Variants in PLD1 observed in about 807,000 individuals in gnomAD.
The protein encoded by PLD1 is phospholipase D1, also known as choline phosphatase 1.
PLD1 carries 112 observed loss-of-function variants against 137.1 expected under a neutral mutation model. That is an observed-to-expected ratio of 0.82 (90% CI 0.70 to 0.96). The LOEUF (loss-of-function observed/expected upper bound fraction) is 0.96, where lower values mean the gene tolerates loss of function less well. Ranked by LOEUF, PLD1 falls within the 40% of genes least tolerant of loss-of-function variation. The pLI is 0.00. For synonymous variants in PLD1, 431 were observed against 454.7 expected (o/e 0.95, Z 0.66); for missense variants, 1,321 against 1,342.0 (o/e 0.98, Z 0.24).
chr3:171,625,196 A>T (rs1733987914), intron 23 of PLD1, among the ~76,000 whole-genome samples: 1 of 152,114 alleles, frequency 6.6e-6, no homozygotes, highest in African/African-American at 2.4e-5. Context: ...GCACCAGGAG[A>T]TTATATCCCG....
In PLD1 at chr3:171,664,714, C is replaced by T. The variant is rs183467599; in HGVS notation, c.2230-2544G>A. On this transcript the variant is annotated intron_variant, in intron 19 of 26. Transcript: ENST00000351298. Reference sequence around the variant, plus strand: ...CCTCAAGTGATCCACCTGTCTCAGCCTCCCAAAGTGCTGGGATTACAGGCG... The same window carrying T: ...CCTCAAGTGATCCACCTGTCTCAGCTTCCCAAAGTGCTGGGATTACAGGCG... Among the ~76,000 whole-genome samples, 20 of 152,260 alleles carry T rather than the reference C, an allele frequency of 1.3e-4. No individual in the cohort carries two copies. The East Asian group carries it at 3.9e-3, about 29-fold the overall frequency.
At chr3:171,690,938 C>G (rs1394135369) in intron 13 of PLD1, among the ~76,000 whole-genome samples, 2 of 152,168 alleles carry the variant, frequency 1.3e-5, no homozygotes, top group African/African-American at 4.8e-5. Context: ...AAGTCTCCAA[C>G]TATTATCATA....
At chr3:171,773,459 G>A (rs1188606666) in intron 1 of PLD1, among the ~76,000 whole-genome samples, 2 of 151,884 alleles carry the variant, frequency 1.3e-5, no homozygotes, top group East Asian at 2.0e-4. Context: ...AAAATTAGCC[G>A]GGCGTGGAGT....
At chr3:171,684,146 C>T (rs1033687137) in intron 16 of PLD1, among the ~76,000 whole-genome samples, 1 of 152,168 alleles carries the variant, frequency 6.6e-6, no homozygotes, top group East Asian at 1.9e-4. Context: ...CTGTGGATAT[C>T]ACCTCTGTCA....
rs369749222 is a variant in PLD1 at position 171,733,516 on chromosome 3, T to C, written c.541-7A>G. 2.6e-6 allele frequency: 3 copies of C among 1,143,740 alleles called. No individual in the cohort carries two copies. Among genetic ancestry groups the C allele is most frequent in the African/African-American group, 1.5e-5 (1 of 65,352 alleles). 70.8% of individuals were successfully genotyped at this position (1,143,740 alleles called of 1,614,324 possible). A position where few individuals can be genotyped will look rare whatever the true frequency, so the allele number is the denominator to read the frequency against. On this transcript the variant is annotated splice_region_variant and splice_polypyrimidine_tract_variant and intron_variant, in intron 5 of 26. Coordinates refer to ENST00000351298, the MANE Select transcript of PLD1 (RefSeq NM_002662.5). The stretch of plus-strand genomic sequence containing the variant: ...AGTAATCTTCCAGTTGTTTCTGTAA[T>C]GCAAATATTTTAGATAAGTGTTAAC...
Position 171,659,280 on chromosome 3 carries a change from C to T in PLD1, c.2362G>A (p.Ala788Thr). 6.2e-7 allele frequency: 1 copy of T among 1,612,750 alleles called. No individual in the cohort carries two copies. The highest frequency in any genetic ancestry group is 8.5e-7 in the Non-Finnish European group (1 of 1,178,714). Residue 788 changes from alanine to threonine, a missense_variant, in exon 21 of 27, where the codon GCT becomes ACT. Transcript: ENST00000351298. ...TTGTTGAACACAACTTTGTCATCAG[C>T]ACAGCTTATGAAAAACTGGTTCTAT... ...YIENQFFISCADDKVVFNKIG... is the reference protein window; with the variant it reads ...YIENQFFISCTDDKVVFNKIG...
In PLD1 at chr3:171,737,869, C is replaced by T. The variant is rs200672293; in HGVS notation, c.160+23G>A. The T allele has an allele frequency of 1.1e-5, 18 of 1,606,380 alleles. No homozygotes were observed. In the East Asian group the frequency reaches 4.0e-4, roughly 36 times the overall value. Reference sequence around the variant, plus strand: ...CAACCGAGATAAACTCTTTTCTTCCCCGCTCAGATCATCCGTCTTTACCTT... The same window carrying T: ...CAACCGAGATAAACTCTTTTCTTCCTCGCTCAGATCATCCGTCTTTACCTT... On this transcript the variant is annotated intron_variant, in intron 2 of 26. Coordinates refer to ENST00000351298, the MANE Select transcript of PLD1 (RefSeq NM_002662.5).
Position 171,699,779 on chromosome 3 carries a change from C to A in PLD1, c.1193G>T (p.Arg398Leu). The A allele has an allele frequency of 6.2e-7, 1 of 1,614,002 alleles. No individual in the cohort carries two copies. Among genetic ancestry groups the A allele is most frequent in the Admixed American group, 1.7e-5 (1 of 60,018 alleles). The change falls in exon 12 of 27, where the codon CGT becomes CTT. Residue 398 changes from arginine (R) to leucine (L), a missense_variant. Coordinates refer to ENST00000351298, the MANE Select transcript of PLD1 (RefSeq NM_002662.5). The part of the protein sequence containing the change: ...FLKRPVVEGN[R>L]WRLDCILKRK... ...TTTAAGAATGCAGTCCAACCTCCAA[C>A]GATTTCCCTCAACCACTGGGCGTTT...
At chr3:171,794,947 A>T (rs1723370477) in intron 1 of PLD1, among the ~76,000 whole-genome samples, 1 of 152,228 alleles carries the variant, frequency 6.6e-6, no homozygotes, top group Non-Finnish European at 1.5e-5. Flanking sequence ...TGTGTGCAAC[A>T]CATCTTTTGT....
chr3:171,792,944 C>T lies in PLD1; in HGVS notation c.-32+17455G>A, dbSNP rs1197681135. ...GAAGACTCCCCAAGGAAGTGGGGCT[C>T]TCAAAACACATGTGAGACAATGCCA... On this transcript the variant is annotated intron_variant, in intron 1 of 26. Coordinates refer to ENST00000351298, the MANE Select transcript of PLD1 (RefSeq NM_002662.5). The T allele has an allele frequency of 1.3e-5, 4 of 315,078 alleles. No homozygotes were observed. In the East Asian group the frequency reaches 3.8e-4, roughly 30 times the overall value. The allele number at this position is 315,078 out of a possible 1,614,324, so 19.5% of individuals were successfully genotyped here.
chr3:171,650,264 T>C (rs1467120655), intron 21 of PLD1, among the ~76,000 whole-genome samples: 1 of 152,146 alleles, frequency 6.6e-6, no homozygotes, highest in African/African-American at 2.4e-5. Flanking sequence ...GACCCCACTC[T>C]CTTTTCAATG....
chr3:171,798,377 A>G (rs1560308774), intron 1 of PLD1, among the ~76,000 whole-genome samples: 1 of 152,210 alleles, frequency 6.6e-6, no homozygotes, highest in Non-Finnish European at 1.5e-5. Context: ...ATTATGGTCA[A>G]ATTTTACAGA....
chr3:171,750,834 G>C (rs895531701), intron 1 of PLD1, among the ~76,000 whole-genome samples: 2 of 152,148 alleles, frequency 1.3e-5, no homozygotes, highest in African/African-American at 4.8e-5. Flanking sequence ...ATTTCTTACA[G>C]AACCTGACAA....
chr3:171,664,211 CATGATTT>C (rs150240773), intron 19 of PLD1, among the ~76,000 whole-genome samples: 4,396 of 152,198 alleles, frequency 0.029, 152 homozygotes, highest in African/African-American at 0.084. Context: ...GGAAAAATAT[CATGATTT>C]TACATCATCT....
intron 1 of PLD1, among the ~76,000 whole-genome samples, chr3:171,752,719 T>G (rs1322010687): frequency 6.6e-6 from 1 of 152,248 alleles, no homozygotes; most frequent in African/African-American, 2.4e-5. Flanking sequence ...ATGAATTACA[T>G]AACCAGTGGG....
chr3:171,605,166 C>A (rs1254002025), intron 26 of PLD1, 133 bp downstream of exon 26: 1 of 689,732 alleles, frequency 1.4e-6, no homozygotes, highest in African/African-American at 1.8e-5. Flanking sequence ...TATTTTATTA[C>A]AACCTGGACA....
In PLD1 at chr3:171,638,729, C is replaced by T. The variant is rs187872946; in HGVS notation, c.2593+4111G>A. Among the ~76,000 whole-genome samples the T allele has an allele frequency of 4.6e-5, 7 of 152,248 alleles. No individual in the cohort carries two copies. In the South Asian group the frequency reaches 8.3e-4, roughly 18 times the overall value. On this transcript the variant is annotated intron_variant, in intron 23 of 26. Transcript: ENST00000351298. ...GTGTCTTTAATACAATACCATTAAT[C>T]GTATGTATCAATCTGACTGGGCCAA...
At chr3:171,756,722 A>G (rs916331302) in intron 1 of PLD1, among the ~76,000 whole-genome samples, 1 of 152,210 alleles carries the variant, frequency 6.6e-6, no homozygotes, top group Non-Finnish European at 1.5e-5. Flanking sequence ...AGTCATTGTT[A>G]TGGTACTTAC....
chr3:171,641,658 T>C (rs1288885962), intron 23 of PLD1, among the ~76,000 whole-genome samples: 1 of 152,146 alleles, frequency 6.6e-6, no homozygotes, highest in Non-Finnish European at 1.5e-5. Flanking sequence ...TCCATTGGAT[T>C]GAAACTCAGA....
Sources: allele counts gnomAD v4.1 joint callset (sites outside exome capture counted in the v4.1 genomes callset), GRCh38; gene constraint gnomAD v4.1.1; transcripts MANE v1.5; gene names NCBI Gene and HGNC (gene_info 2026-07-23, HGNC 2026-07-21).